IL5RA: variants seen among roughly 807,000 people sequenced by gnomAD.
IL5RA encodes the protein interleukin 5 receptor subunit alpha.
IL5RA carries 49 observed loss-of-function variants against 50.0 expected under a neutral mutation model. The ratio of observed to expected loss-of-function variants is 0.98; its 90% CI spans 0.78 to 1.24. The LOEUF is 1.24. IL5RA is among the 50% of genes most tolerant of loss of function. IL5RA has a pLI of 0.00. For missense variants in IL5RA, 600 were observed against 500.4 expected (o/e 1.20, Z -1.90); for synonymous variants, 202 against 174.0 (o/e 1.16, Z -1.26).
chr3:3,088,384 G>T (rs925071555), intron 9 of IL5RA, among the ~76,000 whole-genome samples: 2 of 152,242 alleles, frequency 1.3e-5, no homozygotes, highest in Non-Finnish European at 2.9e-5. Context: ...ACCCTGTCAT[G>T]CTCGTCACCA....
Position 3,095,463 on chromosome 3 carries a change from G to T in IL5RA, c.710-19C>A. The T allele has an allele frequency of 6.5e-7, 1 of 1,538,796 alleles. No homozygotes were observed. The highest frequency in any genetic ancestry group is 2.4e-5 in the East Asian group (1 of 42,470). ...ATTTGATCTAAGTTAGGGAACGAAA[G>T]ATCAGTGATTTTTTTTTTAGAATCA... On this transcript the variant is annotated intron_variant, in intron 7 of 11. Transcript: ENST00000446632.
chr3:3,097,318 A>T (rs183420225), intron 7 of IL5RA, among the ~76,000 whole-genome samples: 191 of 152,340 alleles, frequency 1.3e-3, no homozygotes, highest in African/African-American at 4.5e-3. Context: ...TGGGAGAAGA[A>T]GGGCTTCTGG....
intron 9 of IL5RA, among the ~76,000 whole-genome samples, chr3:3,081,997 A>G (rs1264534705): frequency 6.6e-6 from 1 of 152,238 alleles, no homozygotes; most frequent in Non-Finnish European, 1.5e-5. Flanking sequence ...ATTTTGTGCA[A>G]GCAAAAGATT....
chr3:3,078,869 G>A (rs556473510), intron 9 of IL5RA, among the ~76,000 whole-genome samples: 2 of 151,596 alleles, frequency 1.3e-5, no homozygotes, highest in Non-Finnish European at 2.9e-5. Context: ...TAAGGGATTC[G>A]GGCTGCTTCA....
rs1702192999 is a variant in IL5RA at position 3,068,509 on chromosome 3, A to T, written c.*1716T>A. 1 of 143,564 alleles carries T rather than the reference A, an allele frequency of 7.0e-6. No individual in the cohort carries two copies. The highest frequency in any genetic ancestry group is 1.5e-5 in the Non-Finnish European group (1 of 66,588). 8.9% of individuals were successfully genotyped at this position (143,564 alleles called of 1,614,324 possible). A position where few individuals can be genotyped will look rare whatever the true frequency, so the allele number is the denominator to read the frequency against. ...AGGATGGCTTGAGCCCAGGACAGGG[A>T]GGTTGTAGTGAGCTAAGATCACATC... On this transcript the variant is annotated 3_prime_UTR_variant, in exon 12 of 12. Transcript: ENST00000446632.
rs1236394811 is a variant in IL5RA at position 3,068,370 on chromosome 3, G to C, written c.*1855C>G. 2 of 151,802 alleles carry C rather than the reference G, an allele frequency of 1.3e-5. No homozygotes were observed. 9.4% of individuals were successfully genotyped at this position (151,802 alleles called of 1,614,324 possible). ...GTGTATCGCTTGAGCCCAGGAGTTC[G>C]AGATGAACCTAGACAGCATGGCAAA... On this transcript the variant is annotated 3_prime_UTR_variant, in exon 12 of 12. Coordinates refer to ENST00000446632, the MANE Select transcript of IL5RA (RefSeq NM_175726.4).
At position 3,098,118 on chromosome 3, in the gene IL5RA, A is replaced by C. The variant is rs1309951510; in HGVS notation, c.521+19T>G. ...AGGAAACAACCATTTGCCTAAGTAA[A>C]AATAGGTACAGTACTAACCTATAGT... On this transcript the variant is annotated intron_variant, in intron 6 of 11. Coordinates refer to ENST00000446632, the MANE Select transcript of IL5RA (RefSeq NM_175726.4). 6.2e-7 allele frequency: 1 copy of C among 1,614,022 alleles called. No homozygotes were observed. The highest frequency in any genetic ancestry group is 1.1e-5 in the South Asian group (1 of 91,072).
At chr3:3,087,117 G>A (rs1387401582) in intron 9 of IL5RA, among the ~76,000 whole-genome samples, 1 of 152,154 alleles carries the variant, frequency 6.6e-6, no homozygotes, top group Admixed American at 6.6e-5. Context: ...TCAGTATGAT[G>A]TAAACTATTT....
intron 8 of IL5RA, among the ~76,000 whole-genome samples, chr3:3,094,072 TC>T (rs1315185217): frequency 1.3e-5 from 2 of 152,172 alleles, no homozygotes; most frequent in East Asian, 3.8e-4. Context: ...TCAGTTCCTT[TC>T]CCCTTGAAAT....
intron 9 of IL5RA, among the ~76,000 whole-genome samples, chr3:3,088,018 A>G (rs925993027): frequency 6.6e-6 from 1 of 152,308 alleles, no homozygotes; most frequent in African/African-American, 2.4e-5. Flanking sequence ...GCTCATCTTC[A>G]TGAAAAGGAT....
Position 3,096,289 on chromosome 3 carries a change from A to AAAAGAAGAAG in IL5RA, c.710-846_710-845insCTTCTTCTTT, listed in dbSNP as rs367739003. On this transcript the variant is annotated intron_variant, in intron 7 of 11. Coordinates refer to ENST00000446632, the MANE Select transcript of IL5RA (RefSeq NM_175726.4). ...CAAGAAATCTGTCTCAAAAAAAAAA[A>AAAAGAAGAAG]AAGAAGAAGAAGAAGAAGAAGAGTG... 1.4e-3 allele frequency among the ~76,000 whole-genome samples: 198 copies of AAAAGAAGAAG among 141,352 alleles called. 2 individuals are homozygous for AAAAGAAGAAG. The highest frequency in any genetic ancestry group is 4.7e-3 in the African/African-American group (178 of 37,872). The allele number at this position is 141,352 out of a possible 152,430, so 92.7% of individuals were successfully genotyped here.
At chr3:3,090,131 C>T (rs1703025672) in intron 9 of IL5RA, 4 of 1,398,134 alleles carry the variant, frequency 2.9e-6, no homozygotes, top group Non-Finnish European at 4.0e-6. Flanking sequence ...ATGTATTTAG[C>T]ATAGTGCTTG....
At chr3:3,099,342 A>G (rs1703524549) in intron 5 of IL5RA, among the ~76,000 whole-genome samples, 2 of 152,180 alleles carry the variant, frequency 1.3e-5, no homozygotes, top group Admixed American at 6.5e-5. Flanking sequence ...TGCAAAAAAT[A>G]TAAAAATTAG....
At chr3:3,084,879 C>T (rs1025763308) in intron 9 of IL5RA, among the ~76,000 whole-genome samples, 1 of 152,252 alleles carries the variant, frequency 6.6e-6, no homozygotes, top group Non-Finnish European at 1.5e-5. Flanking sequence ...GGGGCTGGCC[C>T]CCTGACAGCA....
intron 9 of IL5RA, among the ~76,000 whole-genome samples, chr3:3,079,686 G>T (rs1358200691): frequency 6.6e-6 from 1 of 152,154 alleles, no homozygotes; most frequent in Non-Finnish European, 1.5e-5. Context: ...TCACTCAGTT[G>T]AGGGTACTGT....
chr3:3,071,287 G>A (rs1359847697), intron 11 of IL5RA, among the ~76,000 whole-genome samples: 1 of 152,056 alleles, frequency 6.6e-6, no homozygotes. Context: ...ACCCTCTCTT[G>A]GCCATTGTAG....
rs1703164395 is a variant in IL5RA, at chr3:3,092,391, A to G, written c.856-29T>C. On this transcript the variant is annotated intron_variant, in intron 8 of 11. Transcript: ENST00000446632. The surrounding 1 kb of genome is among the most constrained non-coding windows in gnomAD (Gnocchi z 4.2). ...AGTGGGGAAAGATAGCATTAGAAGA[A>G]TCTCTAGACACCTAATTTAGTTCTG... is the stretch of plus-strand genomic sequence containing the variant. 3 of 1,604,290 alleles carry G rather than the reference A, an allele frequency of 1.9e-6. No homozygotes were observed. Among genetic ancestry groups the G allele is most frequent in the Non-Finnish European group, 2.6e-6 (3 of 1,175,112 alleles).
chr3:3,107,354 C>T (rs1055150124), intron 2 of IL5RA, among the ~76,000 whole-genome samples: 3 of 144,300 alleles, frequency 2.1e-5, no homozygotes, highest in Non-Finnish European at 4.5e-5. Flanking sequence ...CTCTCTGTGG[C>T]CCCTTAATAC....
chr3:3,076,462 G>A (rs922976726), intron 10 of IL5RA, 69 bp downstream of exon 10: 3 of 964,396 alleles, frequency 3.1e-6, no homozygotes, highest in African/African-American at 1.6e-5. Flanking sequence ...CCTACCGGAT[G>A]CATGGTAAGC....
Sources: allele counts gnomAD v4.1 joint callset (sites outside exome capture counted in the v4.1 genomes callset), GRCh38; gene constraint gnomAD v4.1.1; non-coding constraint Gnocchi (gnomAD v3.1); transcripts MANE v1.5; gene names NCBI Gene and HGNC (gene_info 2026-07-23, HGNC 2026-07-21).